ZBTB41: variants seen among roughly 807,000 people sequenced by gnomAD.
The protein encoded by ZBTB41 is zinc finger and BTB domain containing 41.
A neutral mutation model predicts 87.6 loss-of-function variants in ZBTB41; 42 were observed. The observed-to-expected ratio is 0.48, with a 90% confidence interval of 0.37 to 0.62. The LOEUF is 0.62. Ranked by LOEUF, ZBTB41 falls within the 20% of genes least tolerant of loss-of-function variation. The probability of loss-of-function intolerance (pLI) is 0.00; values close to 1 mark genes in which losing one functional copy is unlikely to be tolerated. For missense variants in ZBTB41, 799 were observed against 1,078.9 expected (o/e 0.74, Z 3.63); for synonymous variants, 364 against 364.0 (o/e 1.00, Z 0.00).
intron 4 of ZBTB41, among the ~76,000 whole-genome samples, chr1:197,189,070 G>A (rs1179647561): frequency 1.3e-5 from 2 of 152,160 alleles, no homozygotes; most frequent in African/African-American, 2.4e-5. Flanking sequence ...AACTTGGTAA[G>A]GGGAAGACAC....
intron 2 of ZBTB41, among the ~76,000 whole-genome samples, chr1:197,198,673 T>TA (rs938335755): frequency 6.6e-6 from 1 of 152,120 alleles, no homozygotes; most frequent in Non-Finnish European, 1.5e-5. Context: ...ACATAAAACT[T>TA]AAAGTGATAG....
At chr1:197,200,874 A>G (rs555746111) in intron 1 of ZBTB41, among the ~76,000 whole-genome samples, 101 of 152,262 alleles carry the variant, frequency 6.6e-4, no homozygotes, top group African/African-American at 2.4e-3. Flanking sequence ...ATCTTCCAAG[A>G]TCGTTGACGG....
chr1:197,166,867 A>C (rs533115499), intron 10 of ZBTB41, among the ~76,000 whole-genome samples: 21 of 152,148 alleles, frequency 1.4e-4, no homozygotes, highest in East Asian at 9.7e-4. Flanking sequence ...ACAACAACAA[A>C]AAAATTTAAT....
intron 10 of ZBTB41, among the ~76,000 whole-genome samples, chr1:197,168,056 A>T (rs1198584199): frequency 6.6e-6 from 1 of 152,194 alleles, no homozygotes; most frequent in Non-Finnish European, 1.5e-5. Context: ...ATTTAATAGA[A>T]ATTTAGCAAG....
chr1:197,187,222 A>C (rs575901628), intron 5 of ZBTB41, among the ~76,000 whole-genome samples: 1 of 152,344 alleles, frequency 6.6e-6, no homozygotes, highest in South Asian at 2.1e-4. Context: ...GGAATTGAAA[A>C]TCTAAGTCTA....
chr1:197,200,686 T>C (rs1652735478), intron 1 of ZBTB41, 96 bp from the exon 2 acceptor site: 1 of 461,608 alleles, frequency 2.2e-6, no homozygotes, highest in Non-Finnish European at 3.8e-6. Context: ...TAATTATAAC[T>C]GAATGATGAT....
chr1:197,166,117 C>T (rs1659338472), intron 10 of ZBTB41, among the ~76,000 whole-genome samples: 1 of 152,036 alleles, frequency 6.6e-6, no homozygotes, highest in South Asian at 2.1e-4. Context: ...GTGCAGGAAA[C>T]CACCATAGCA....
At chr1:197,187,438 A>G (rs985840512) in intron 5 of ZBTB41, among the ~76,000 whole-genome samples, 4 of 152,328 alleles carry the variant, frequency 2.6e-5, no homozygotes, top group African/African-American at 9.6e-5. Flanking sequence ...TCCGTTATCT[A>G]AAGTGGTGTA....
intron 10 of ZBTB41, among the ~76,000 whole-genome samples, chr1:197,167,767 A>G (rs928164871): frequency 2.6e-5 from 4 of 152,170 alleles, no homozygotes; most frequent in African/African-American, 4.8e-5. Context: ...TCTACAAAAA[A>G]CCTATAAAAA....
intron 7 of ZBTB41, 54 bp downstream of exon 7, chr1:197,178,363 A>T: frequency 8.2e-7 from 1 of 1,221,174 alleles, no homozygotes; most frequent in Non-Finnish European, 1.2e-6. Context: ...ATAGAACTAA[A>T]ATAGAGATAT....
intron 10 of ZBTB41, among the ~76,000 whole-genome samples, chr1:197,164,611 C>A (rs892420670): frequency 6.8e-6 from 1 of 146,842 alleles, no homozygotes; most frequent in Non-Finnish European, 1.5e-5. Flanking sequence ...TAATAAAGAG[C>A]AACATTTTAT....
chr1:197,159,375 T>C lies in ZBTB41; in HGVS notation c.2714A>G (p.Asn905Ser). The C allele has an allele frequency of 6.2e-7, 1 of 1,613,602 alleles. No homozygotes were observed. Among genetic ancestry groups the C allele is most frequent in the Non-Finnish European group, 8.5e-7 (1 of 1,179,590 alleles). The change falls in exon 11 of 11, where the codon AAT (asparagine) becomes AGT (serine). Residue 905 changes from asparagine (N) to serine (S), a missense_variant. Physicochemically the swap from Asn to Ser is conservative, Grantham distance 46. Transcript: ENST00000367405. Reference sequence around the variant, plus strand: ...TAGATTTACTCATGAATGATGCTCATTCGTAGAAATATTTTGAACACCAGT... The same window carrying C: ...TAGATTTACTCATGAATGATGCTCACTCGTAGAAATATTTTGAACACCAGT... ...STTGVQNIST[N>S]EHHS is the part of the protein sequence containing the mutation.
intron 10 of ZBTB41, 110 bp downstream of exon 10, chr1:197,172,050 G>A (rs1659492977): frequency 2.5e-6 from 1 of 396,132 alleles, no homozygotes; most frequent in Non-Finnish European, 4.3e-6. Flanking sequence ...GAAAACCAAA[G>A]AAATTTAACC....
chr1:197,180,374 T>C lies in ZBTB41; in HGVS notation c.1676+614A>G, dbSNP rs577464417. ...GCTTAACAATGCATTTCTCCGAACA[T>C]AGCACTATCATTAAGCGGCGCATGA... is the stretch of plus-strand genomic sequence containing the variant. On this transcript the variant is annotated intron_variant, in intron 6 of 10. Coordinates refer to ENST00000367405, the MANE Select transcript of ZBTB41 (RefSeq NM_194314.3). Among the ~76,000 whole-genome samples the C allele has an allele frequency of 6.6e-5, 10 of 152,252 alleles. 1 individual carries two copies. The South Asian group carries it at 1.0e-3, about 16-fold the overall frequency.
intron 6 of ZBTB41, 22 bp from the exon 7 acceptor site, chr1:197,178,534 C>T (rs775860903): frequency 3.1e-5 from 48 of 1,562,966 alleles, no homozygotes; most frequent in South Asian, 2.8e-4. Context: ...TATATAGATT[C>T]GAGATTTTTT....
chr1:197,190,965 G>T, intron 3 of ZBTB41, 134 bp from the exon 4 acceptor site: 1 of 550,236 alleles, frequency 1.8e-6, no homozygotes, highest in Non-Finnish European at 3.2e-6. Flanking sequence ...AGGCATAGAT[G>T]AGCTCTTTAA....
chr1:197,170,298 T>C (rs1220970610), intron 10 of ZBTB41, among the ~76,000 whole-genome samples: 7 of 151,952 alleles, frequency 4.6e-5, no homozygotes, highest in African/African-American at 1.7e-4. Flanking sequence ...ATTTTTCTGG[T>C]CACCTGCTAT....
At chr1:197,190,206 C>G (rs1466274981) in intron 4 of ZBTB41, among the ~76,000 whole-genome samples, 1 of 152,108 alleles carries the variant, frequency 6.6e-6, no homozygotes, top group Admixed American at 6.6e-5. Context: ...CAGGCATGAA[C>G]CACCATACTC....
chr1:197,174,986 G>A (rs1420189720), intron 9 of ZBTB41, 24 bp downstream of exon 9: 2 of 1,581,786 alleles, frequency 1.3e-6, no homozygotes, highest in East Asian at 2.3e-5. Flanking sequence ...TGTAAACTAT[G>A]AGACATTTTG....
Sources: allele counts gnomAD v4.1 joint callset (sites outside exome capture counted in the v4.1 genomes callset), GRCh38; gene constraint gnomAD v4.1.1; transcripts MANE v1.5; gene names NCBI Gene and HGNC (gene_info 2026-07-23, HGNC 2026-07-21).